The following ESRRG variants were observed in gnomAD, a reference collection of about 807,000 sequenced individuals.
ESRRG encodes estrogen-related receptor gamma.
A neutral mutation model predicts 44.0 loss-of-function variants in ESRRG; 13 were observed. That is an observed-to-expected ratio of 0.30 (90% confidence interval 0.19 to 0.47). The LOEUF is 0.47. Ranked by LOEUF, ESRRG falls within the 20% of genes least tolerant of loss-of-function variation. The pLI is 1.00. For synonymous variants in ESRRG, 215 were observed against 214.6 expected (o/e 1.00, Z -0.02); for missense variants, 395 against 580.6 (o/e 0.68, Z 3.29).
At chr1:216,552,207 C>A (rs2056535380) in intron 5 of ESRRG, among the ~76,000 whole-genome samples, 1 of 151,638 alleles carries the variant, frequency 6.6e-6, no homozygotes, top group African/African-American at 2.4e-5. Context: ...TCATGTATAT[C>A]TATATATATA....
chr1:216,675,423 G>A (rs1334945734), intron 2 of ESRRG, among the ~76,000 whole-genome samples: 1 of 152,092 alleles, frequency 6.6e-6, no homozygotes, highest in Non-Finnish European at 1.5e-5. Flanking sequence ...AAGGGTTTCA[G>A]AATCATGTTT....
intron 2 of ESRRG, among the ~76,000 whole-genome samples, chr1:216,828,210 T>C (rs2095429504): frequency 6.6e-6 from 1 of 152,200 alleles, no homozygotes; most frequent in African/African-American, 2.4e-5. Flanking sequence ...TGGAAATGGA[T>C]TCCTGTGACA....
rs558160926 is a variant in ESRRG, at chr1:216,766,539, T to C, written c.-13-89048A>G. On this transcript the variant is annotated intron_variant, in intron 2 of 7. Transcript: ENST00000359162. ...TTACTGGAACTTTTCCAATACCATATGAACTGCTTTGGGACCGCAGCACAC... is the reference window on the plus strand; with the variant it reads ...TTACTGGAACTTTTCCAATACCATACGAACTGCTTTGGGACCGCAGCACAC... 7.9e-5 allele frequency among the ~76,000 whole-genome samples: 12 copies of C among 152,124 alleles called. No homozygotes were observed. The South Asian group carries it at 2.5e-3, about 32-fold the overall frequency.
intron 2 of ESRRG, among the ~76,000 whole-genome samples, chr1:216,808,909 TA>T (rs1364386262): frequency 2.0e-5 from 3 of 152,022 alleles, no homozygotes; most frequent in Admixed American, 1.3e-4. Context: ...ATTTTCCTCC[TA>T]TTTTTTTCTT....
chr1:216,993,563 A>G (rs1055415890), intron 1 of ESRRG, among the ~76,000 whole-genome samples: 2 of 152,232 alleles, frequency 1.3e-5, no homozygotes, highest in Non-Finnish European at 2.9e-5. Flanking sequence ...AGCCTAAGGC[A>G]GAGACCGGAA....
intron 5 of ESRRG, among the ~76,000 whole-genome samples, chr1:216,521,490 T>C (rs998704213): frequency 3.3e-5 from 5 of 151,262 alleles, no homozygotes; most frequent in African/African-American, 1.2e-4. Flanking sequence ...GGAGCAAAAA[T>C]GAATGGGTCT....
intron 1 of ESRRG, among the ~76,000 whole-genome samples, chr1:217,055,675 T>C (rs754997911): frequency 1.3e-5 from 2 of 152,116 alleles, no homozygotes; most frequent in Non-Finnish European, 2.9e-5. Context: ...TCCTCAGATA[T>C]GTCTGCCACA....
intron 1 of ESRRG, among the ~76,000 whole-genome samples, chr1:216,712,160 G>A (rs759730875): frequency 4.6e-5 from 7 of 152,070 alleles, no homozygotes; most frequent in Non-Finnish European, 1.0e-4. Flanking sequence ...GGGTACATAG[G>A]CCCTAGTGGT....
At chr1:216,697,276 T>C (rs1221835596) in intron 1 of ESRRG, among the ~76,000 whole-genome samples, 1 of 152,148 alleles carries the variant, frequency 6.6e-6, no homozygotes, top group Admixed American at 6.6e-5. Flanking sequence ...CCAAATATCA[T>C]GTTTAATTTT....
intron 1 of ESRRG, among the ~76,000 whole-genome samples, chr1:217,048,624 T>C (rs2085333689): frequency 6.6e-6 from 1 of 152,118 alleles, no homozygotes; most frequent in Admixed American, 6.5e-5. Context: ...ACTGGGTAGA[T>C]AACTCTTGAC....
chr1:216,745,329 G>GGTTT (rs113164216), intron 2 of ESRRG, among the ~76,000 whole-genome samples: 8,230 of 151,354 alleles, frequency 0.054, 728 homozygotes, highest in African/African-American at 0.19. Context: ...ACACCTATGT[G>GGTTT]GTTTGTTTGT....
intron 1 of ESRRG, among the ~76,000 whole-genome samples, chr1:216,679,161 C>T (rs977882390): frequency 1.3e-5 from 2 of 152,212 alleles, no homozygotes; most frequent in Admixed American, 1.3e-4. Flanking sequence ...TTCGTACTTT[C>T]GCCCACCCAC....
At chr1:216,602,632 G>A (rs908273015) in intron 3 of ESRRG, among the ~76,000 whole-genome samples, 1 of 152,152 alleles carries the variant, frequency 6.6e-6, no homozygotes, top group African/African-American at 2.4e-5. Context: ...TTGTGCAGCG[G>A]AGAGAAGATC....
intron 2 of ESRRG, among the ~76,000 whole-genome samples, chr1:216,742,079 C>T (rs1006785808): frequency 2.0e-5 from 3 of 152,132 alleles, no homozygotes; most frequent in East Asian, 1.9e-4. Flanking sequence ...TAACCTGACC[C>T]AAACCCTCTT....
intron 1 of ESRRG, among the ~76,000 whole-genome samples, chr1:217,003,592 A>AATATTAATATTAATAAGTATTAAT (rs57556993): frequency 6.8e-6 from 1 of 148,138 alleles, no homozygotes; most frequent in Non-Finnish European, 1.5e-5. Context: ...TATTAATATT[A>AATATTAATATTAATAAGTATTAAT]ATTAATATTA....
intron 1 of ESRRG, among the ~76,000 whole-genome samples, chr1:217,131,560 T>C: frequency 6.6e-6 from 1 of 152,210 alleles, no homozygotes; most frequent in East Asian, 1.9e-4. Flanking sequence ...ACCAACCTGT[T>C]GAAGGTGACC....
At chr1:216,542,740 A>G (rs908830918) in intron 5 of ESRRG, among the ~76,000 whole-genome samples, 1 of 151,990 alleles carries the variant, frequency 6.6e-6, no homozygotes, top group African/African-American at 2.4e-5. Flanking sequence ...TGTAGAATTG[A>G]ATTTTTCTTC....
At chr1:216,563,366 G>A (rs899436282) in intron 5 of ESRRG, among the ~76,000 whole-genome samples, 37 of 152,160 alleles carry the variant, frequency 2.4e-4, no homozygotes, top group African/African-American at 8.9e-4. Context: ...GGCGTATCAT[G>A]ACCAATAAAT....
At chr1:216,925,846 A>G (rs536843104) in intron 2 of ESRRG, among the ~76,000 whole-genome samples, 2 of 152,126 alleles carry the variant, frequency 1.3e-5, no homozygotes, top group Admixed American at 6.6e-5. Flanking sequence ...GCTACTTGGG[A>G]GGCTGAGGCA....
Sources: gnomAD v4.1 joint callset for allele counts (sites outside exome capture counted in the v4.1 genomes callset) on GRCh38, gnomAD v4.1.1 for gene constraint, MANE v1.5 for transcripts, NCBI Gene and HGNC (gene_info 2026-07-23, HGNC 2026-07-21) for gene names.